Variants in GRIK5 observed in about 807,000 individuals in gnomAD.
GRIK5 encodes glutamate ionotropic receptor kainate type subunit 5.
Under a neutral mutation model 97.4 loss-of-function variants are expected in GRIK5, and 43 were observed. The observed-to-expected ratio is 0.44, with a 90% confidence interval of 0.35 to 0.57. The LOEUF (loss-of-function observed/expected upper bound fraction) is 0.57, where lower values mean the gene tolerates loss of function less well. Ranked by LOEUF, GRIK5 falls within the 20% of genes least tolerant of loss-of-function variation. The probability of loss-of-function intolerance (pLI) is 0.01; values close to 1 mark genes in which losing one functional copy is unlikely to be tolerated. For synonymous variants in GRIK5, 580 were observed against 583.5 expected (o/e 0.99, Z 0.09); for missense variants, 1,015 against 1,382.0 (o/e 0.73, Z 4.21).
intron 11 of GRIK5, among the ~76,000 whole-genome samples, chr19:42,046,957 G>A (rs781156753): frequency 2.0e-4 from 30 of 151,884 alleles, no homozygotes; most frequent in Non-Finnish European, 2.8e-4. Flanking sequence ...GTGCAATCTC[G>A]GCTCACTAGA....
chr19:41,999,483 C>T lies in GRIK5; in HGVS notation c.2515-184G>A, dbSNP rs1286644883. ...TGTTTTCTGCCTCCCCTCTCCACCT[C>T]TCCCCACTTATCTTCAATGTCTCCA... On this transcript the variant is annotated intron_variant, in intron 19 of 19. Transcript: ENST00000593562. The surrounding 1 kb of genome is among the most constrained non-coding windows in gnomAD (Gnocchi z 5.0). Among the ~76,000 whole-genome samples the T allele has an allele frequency of 3.3e-5, 5 of 152,298 alleles. No individual in the cohort carries two copies. Among genetic ancestry groups the T allele is most frequent in the Admixed American group, 6.5e-5 (1 of 15,296 alleles).
At chr19:42,035,164 A>G (rs907216788) in intron 12 of GRIK5, among the ~76,000 whole-genome samples, 4 of 151,842 alleles carry the variant, frequency 2.6e-5, no homozygotes, top group African/African-American at 9.7e-5. Context: ...TATTTTCAGT[A>G]GAGATGGGGT....
chr19:42,057,813 C>T (rs1389523244), intron 6 of GRIK5, among the ~76,000 whole-genome samples: 1 of 152,204 alleles, frequency 6.6e-6, no homozygotes, highest in Non-Finnish European at 1.5e-5. Flanking sequence ...CCAGTTTGAA[C>T]GTCAAGATTC....
intron 1 of GRIK5, chr19:42,068,645 G>A (rs1044167809): frequency 4.7e-6 from 2 of 429,590 alleles, no homozygotes; most frequent in African/African-American, 2.0e-5. Context: ...GACCTGCCGA[G>A]GGAGACTTGG....
Position 42,002,652 on chromosome 19 carries a change from G to A in GRIK5, c.2514+680C>T. 1 of 618,582 alleles carries A rather than the reference G, an allele frequency of 1.6e-6. No homozygotes were observed. The highest frequency in any genetic ancestry group is 2.0e-5 in the South Asian group (1 of 50,772). 38.3% of individuals were successfully genotyped at this position (618,582 alleles called of 1,614,324 possible). On this transcript the variant is annotated intron_variant, in intron 19 of 19. Coordinates refer to ENST00000593562, the MANE Select transcript of GRIK5 (RefSeq NM_002088.5). The surrounding 1 kb of genome is among the most constrained non-coding windows in gnomAD (Gnocchi z 5.2). ...GGGAACCAGCAGTCCAGGGGTGCAA[G>A]AGCACGAATGGGTCTGGAAATGCAG...
Position 42,062,930 on chromosome 19 carries a change from G to A in GRIK5, c.245-75C>T, listed in dbSNP as rs760476693. 2.9e-5 allele frequency: 33 copies of A among 1,123,070 alleles called. No homozygotes were observed. The highest frequency in any genetic ancestry group is 3.8e-5 in the Non-Finnish European group (28 of 742,890). The allele number at this position is 1,123,070 out of a possible 1,614,324, so 69.6% of individuals were successfully genotyped here. ...CTCCTTCCCCATCCCTCAGGGAGCC[G>A]CCATGGCCCAGGAGAGGATCAGACA... On this transcript the variant is annotated intron_variant, in intron 3 of 19. Transcript: ENST00000593562. This position sits in a 1 kb window ranked among gnomAD's most constrained non-coding sequence, Gnocchi z 5.3.
chr19:42,069,326 C>G lies in GRIK5; in HGVS notation c.-136G>C. On this transcript the variant is annotated 5_prime_UTR_variant, in exon 1 of 20. Transcript: ENST00000593562. The stretch of plus-strand genomic sequence containing the variant: ...GCTCTGGCGCTGGGTGGTGGTGGGG[C>G]TGGGCGGGGGGAGAGGGCAGTCCAC... 1 of 146,036 alleles carries G rather than the reference C, an allele frequency of 6.8e-6. No homozygotes were observed. The highest frequency in any genetic ancestry group is 1.5e-5 in the Non-Finnish European group (1 of 66,778). 9.0% of individuals were successfully genotyped at this position (146,036 alleles called of 1,614,324 possible).
At position 42,011,943 on chromosome 19, in the gene GRIK5, T is replaced by A. The variant is rs559918109; in HGVS notation, c.1872-5133A>T. ...CTGCACTCCAGCGTGGGTGACAGAG[T>A]GAGACCCTGTCTCAAAAAGAAAAGA... On this transcript the variant is annotated intron_variant, in intron 15 of 19. Coordinates refer to ENST00000593562, the MANE Select transcript of GRIK5 (RefSeq NM_002088.5). 2.6e-3 allele frequency among the ~76,000 whole-genome samples: 401 copies of A among 151,900 alleles called. 1 individual carries two copies. Among genetic ancestry groups the A allele is most frequent in the Middle Eastern group, 3.4e-3 (1 of 294 alleles).
At chr19:42,045,991 T>C (rs770099955) in intron 11 of GRIK5, among the ~76,000 whole-genome samples, 1 of 151,980 alleles carries the variant, frequency 6.6e-6, no homozygotes, top group African/African-American at 2.4e-5. Flanking sequence ...CCAGGTTGGG[T>C]ATCAAAGCTG....
intron 17 of GRIK5, among the ~76,000 whole-genome samples, chr19:42,004,531 G>A (rs1190141102): frequency 6.6e-6 from 1 of 152,216 alleles, no homozygotes; most frequent in Admixed American, 6.5e-5. Flanking sequence ...TGATGATCCT[G>A]TGGGACAGGT....
At chr19:42,029,355 C>T (rs886731438) in intron 12 of GRIK5, among the ~76,000 whole-genome samples, 11 of 151,724 alleles carry the variant, frequency 7.3e-5, no homozygotes, top group Non-Finnish European at 1.0e-4. Context: ...CGTGAGCCAC[C>T]GAGCCTGGCT....
In GRIK5 at chr19:42,002,088, T is replaced by C. The variant is rs1555871014; in HGVS notation, c.2514+1244A>G. On this transcript the variant is annotated intron_variant, in intron 19 of 19. Coordinates refer to ENST00000593562, the MANE Select transcript of GRIK5 (RefSeq NM_002088.5). This position sits in a 1 kb window ranked among gnomAD's most constrained non-coding sequence, Gnocchi z 5.2. ...TGTGCCGAAGCCCACTGCTACCTCA[T>C]ATACATGAGGCCTGAGACCGGGAAT... 2.8e-6 allele frequency: 2 copies of C among 710,346 alleles called. No individual in the cohort carries two copies. The highest frequency in any genetic ancestry group is 5.2e-6 in the Non-Finnish European group (2 of 381,536). The allele number at this position is 710,346 out of a possible 1,614,324, so 44.0% of individuals were successfully genotyped here. A position where few individuals can be genotyped will look rare whatever the true frequency, so the allele number is the denominator to read the frequency against.
chr19:42,057,644 G>A (rs1296673265), intron 6 of GRIK5, among the ~76,000 whole-genome samples: 1 of 152,118 alleles, frequency 6.6e-6, no homozygotes, highest in Non-Finnish European at 1.5e-5. Context: ...GGGATTATAG[G>A]TGTGAGCCAC....
chr19:42,069,979 G>A lies in GRIK5; in HGVS notation c.-789C>T, dbSNP rs971670528. ...AGGATGGAGAGGAGCAGGTGGAAGA[G>A]AAAGGCGGAGGAGGGTGGGGTGTCC... On this transcript the variant is annotated 5_prime_UTR_variant, in exon 1 of 20. Transcript: ENST00000593562. Among the ~76,000 whole-genome samples the A allele has an allele frequency of 1.3e-5, 2 of 152,074 alleles. No homozygotes were observed. The highest frequency in any genetic ancestry group is 4.8e-5 in the African/African-American group (2 of 41,404).
chr19:42,033,403 A>G (rs1375826651), intron 12 of GRIK5, among the ~76,000 whole-genome samples: 1 of 152,118 alleles, frequency 6.6e-6, no homozygotes, highest in Non-Finnish European at 1.5e-5. Flanking sequence ...AACATCATGC[A>G]AAGTGAAAGA....
In GRIK5 at chr19:42,006,265, C is replaced by T. The variant is rs1417751475; in HGVS notation, c.2038-317G>A. Among the ~76,000 whole-genome samples, 1 of 152,122 alleles carries T rather than the reference C, an allele frequency of 6.6e-6. No individual in the cohort carries two copies. Among genetic ancestry groups the T allele is most frequent in the Non-Finnish European group, 1.5e-5 (1 of 68,024 alleles). ...CCTTTAGACCACTAGGACCTCCCTG[C>T]CAAGCTTGCTTTCCTCTTCTTTCCT... On this transcript the variant is annotated intron_variant, in intron 16 of 19. Coordinates refer to ENST00000593562, the MANE Select transcript of GRIK5 (RefSeq NM_002088.5). This position sits in a 1 kb window ranked among gnomAD's most constrained non-coding sequence, Gnocchi z 5.3.
chr19:42,042,281 C>A lies in GRIK5; in HGVS notation c.1473+271G>T, dbSNP rs995413776. The stretch of plus-strand genomic sequence containing the variant: ...CACTTAACAAATCTTTGCACACCGA[C>A]TAATCCAAGGTGGCATGAAAGGGGC... On this transcript the variant is annotated intron_variant, in intron 12 of 19. Coordinates refer to ENST00000593562, the MANE Select transcript of GRIK5 (RefSeq NM_002088.5). This position sits in a 1 kb window ranked among gnomAD's most constrained non-coding sequence, Gnocchi z 6.9. Among the ~76,000 whole-genome samples, 1 of 152,214 alleles carries A rather than the reference C, an allele frequency of 6.6e-6. No homozygotes were observed. Among genetic ancestry groups the A allele is most frequent in the African/African-American group, 2.4e-5 (1 of 41,460 alleles).
chr19:42,053,840 C>A lies in GRIK5; in HGVS notation c.1146G>T (p.Arg382=). The change falls in exon 10 of 20, where the codon CGG becomes CGT. Residue 382 remains arginine, a synonymous_variant. Coordinates refer to ENST00000593562, the MANE Select transcript of GRIK5 (RefSeq NM_002088.5). The stretch of plus-strand genomic sequence containing the variant: ...GTCTGCTCACCTCACGGTGGCCCTG[C>A]CGGGACTTTTCTAGGATGCGCAGGG... ...NYTLRILEKS[R]QGHREIGVWY... 1.2e-6 allele frequency: 2 copies of A among 1,613,186 alleles called. No individual in the cohort carries two copies. The highest frequency in any genetic ancestry group is 1.7e-6 in the Non-Finnish European group (2 of 1,179,112).
At chr19:42,027,772 C>A (rs186568337) in intron 12 of GRIK5, among the ~76,000 whole-genome samples, 19 of 152,232 alleles carry the variant, frequency 1.2e-4, no homozygotes, top group Non-Finnish European at 1.9e-4. Flanking sequence ...CCTCCCAGAG[C>A]CTTTGGAGCC....
Sources: gnomAD v4.1 joint callset for allele counts (sites outside exome capture counted in the v4.1 genomes callset) on GRCh38, gnomAD v4.1.1 for gene constraint, Gnocchi (gnomAD v3.1) non-coding constraint, MANE v1.5 for transcripts, NCBI Gene and HGNC (gene_info 2026-07-23, HGNC 2026-07-21) for gene names.